SPECC1: variants seen among roughly 807,000 people sequenced by gnomAD.
SPECC1 encodes the protein cytospin-B.
Under a neutral mutation model 104.1 loss-of-function variants are expected in SPECC1, and 62 were observed. The observed-to-expected ratio is 0.60, with a 90% CI of 0.49 to 0.74. The LOEUF (loss-of-function observed/expected upper bound fraction) is 0.74, where lower values mean the gene tolerates loss of function less well. Ranked by LOEUF, SPECC1 falls within the 30% of genes least tolerant of loss-of-function variation. SPECC1 has a pLI of 0.00. For missense variants in SPECC1, 1,306 were observed against 1,310.5 expected (o/e 1.00, Z 0.05); for synonymous variants, 513 against 501.6 (o/e 1.02, Z -0.30).
intron 1 of SPECC1, chr17:20,010,161 T>C (rs1172084343): frequency 7.3e-5 from 11 of 150,872 alleles, no homozygotes; most frequent in South Asian, 6.3e-4. Flanking sequence ...TTTTTTTTTT[T>C]CCTAAGGAAG....
At chr17:20,083,555 T>C (rs2047062993) in intron 1 of SPECC1, among the ~76,000 whole-genome samples, 1 of 152,212 alleles carries the variant, frequency 6.6e-6, no homozygotes, top group Admixed American at 6.5e-5. Flanking sequence ...GTGTGTGCTA[T>C]TCATTCACTT....
rs542601267 is a variant in SPECC1 at position 20,159,398 on chromosome 17, C to G, written c.284-44935C>G. 5.9e-5 allele frequency among the ~76,000 whole-genome samples: 9 copies of G among 152,358 alleles called. No homozygotes were observed. In the South Asian group the frequency reaches 1.9e-3, roughly 32 times the overall value. ...TTGAAAAAGGGATCCCAGTGGAACACCTCCATGGTTGACTGCCACAGGACC... is the reference window on the plus strand; with the variant it reads ...TTGAAAAAGGGATCCCAGTGGAACAGCTCCATGGTTGACTGCCACAGGACC... On this transcript the variant is annotated intron_variant, in intron 3 of 14. Transcript: ENST00000395527.
intron 2 of SPECC1, among the ~76,000 whole-genome samples, chr17:20,098,436 C>T (rs1325578016): frequency 2.0e-5 from 3 of 152,218 alleles, no homozygotes; most frequent in Non-Finnish European, 4.4e-5. Context: ...GTCCTTGGAA[C>T]ACCTGAGTCA....
In SPECC1 at chr17:20,204,993, C is replaced by G; in HGVS notation, c.944C>G (p.Ser315Ter). ...HGNALRTSGS[S>*]SSDVTKASLS... is the part of the protein sequence containing the mutation. ...AATGCATTACGGACATCAGGCTCCT[C>G]AAGTAGCGATGTTACCAAAGCTTCT... The change falls in exon 4 of 15, where the codon TCA becomes TGA. Residue 315 changes from serine to a stop codon, truncating the protein, a stop_gained. Coordinates refer to ENST00000395527, the MANE Select transcript of SPECC1 (RefSeq NM_001243439.2). LOFTEE classifies it high-confidence loss of function. The G allele has an allele frequency of 6.2e-7, 1 of 1,614,148 alleles. No homozygotes were observed. The highest frequency in any genetic ancestry group is 8.5e-7 in the Non-Finnish European group (1 of 1,180,024).
intron 1 of SPECC1, among the ~76,000 whole-genome samples, chr17:20,094,335 G>A (rs1054902185): frequency 2.4e-4 from 36 of 152,188 alleles, no homozygotes; most frequent in African/African-American, 3.9e-4. Flanking sequence ...AGGAGGCTGC[G>A]TGTTCGTCAG....
intron 3 of SPECC1, among the ~76,000 whole-genome samples, chr17:20,193,652 T>G (rs1180514724): frequency 1.3e-5 from 2 of 152,172 alleles, no homozygotes; most frequent in African/African-American, 4.8e-5. Flanking sequence ...AATAAGAGTT[T>G]AAGAAAACAT....
intron 1 of SPECC1, among the ~76,000 whole-genome samples, chr17:20,019,114 T>A (rs755268022): frequency 3.9e-5 from 6 of 152,194 alleles, no homozygotes; most frequent in Non-Finnish European, 7.3e-5. Flanking sequence ...CAATGGCTCA[T>A]GTCTATAATC....
chr17:20,136,036 TTGCTGTAGAAAGGGCCTACACACCC>T (rs1360399755), intron 3 of SPECC1, among the ~76,000 whole-genome samples: 1 of 152,114 alleles, frequency 6.6e-6, no homozygotes, highest in African/African-American at 2.4e-5. Flanking sequence ...CTCTAGGATG[TTGCTGTAGAAAGGGCCTACACACCC>T]TGCTGTAGAA....
intron 1 of SPECC1, among the ~76,000 whole-genome samples, chr17:20,078,781 T>A (rs1043025619): frequency 6.6e-6 from 1 of 152,184 alleles, no homozygotes; most frequent in Non-Finnish European, 1.5e-5. Flanking sequence ...ATATAAAAAT[T>A]CATTTAATAA....
chr17:20,014,826 C>A (rs2044059452), intron 1 of SPECC1, among the ~76,000 whole-genome samples: 2 of 151,992 alleles, frequency 1.3e-5, no homozygotes, highest in South Asian at 4.2e-4. Flanking sequence ...ATGATCTCGG[C>A]TCACTACAAC....
chr17:20,194,502 A>ATTATTATTT, intron 3 of SPECC1, among the ~76,000 whole-genome samples: 26 of 86,528 alleles, frequency 3.0e-4, no homozygotes, highest in African/African-American at 6.9e-4. Context: ...AAGAGAACGA[A>ATTATTATTT]TTTTTTTTTT....
intron 4 of SPECC1, among the ~76,000 whole-genome samples, chr17:20,212,930 G>A (rs2037250333): frequency 6.6e-6 from 1 of 152,112 alleles, no homozygotes; most frequent in East Asian, 1.9e-4. Flanking sequence ...CAGTCTCAGA[G>A]CTTTTCCATC....
chr17:20,158,150 C>G (rs1457825558), intron 3 of SPECC1, among the ~76,000 whole-genome samples: 3 of 152,086 alleles, frequency 2.0e-5, no homozygotes, highest in African/African-American at 4.8e-5. Flanking sequence ...TCGCATGGCC[C>G]CAACTGGCAG....
In SPECC1 at chr17:20,264,262, CAG is replaced by C. The variant is rs561217161; in HGVS notation, c.2940+3969_2940+3970del. Among the ~76,000 whole-genome samples, 179 of 152,024 alleles carry C rather than the reference CAG, an allele frequency of 1.2e-3. 1 individual carries two copies. Among genetic ancestry groups the C allele is most frequent in the African/African-American group, 3.9e-3 (162 of 41,464 alleles). ...TTTATTTCAGCTTTAGTTATAGATT[CAG>C]GGGGTGAGTGGGCAGGTTTGTTACA... On this transcript the variant is annotated intron_variant, in intron 12 of 14. Coordinates refer to ENST00000395527, the MANE Select transcript of SPECC1 (RefSeq NM_001243439.2).
intron 7 of SPECC1, among the ~76,000 whole-genome samples, chr17:20,244,313 C>G (rs1010008797): frequency 6.6e-6 from 1 of 152,198 alleles, no homozygotes; most frequent in Non-Finnish European, 1.5e-5. Flanking sequence ...ATTTTCTGCT[C>G]AAACCTAACC....
chr17:20,030,759 T>C (rs2044776280), intron 1 of SPECC1, among the ~76,000 whole-genome samples: 1 of 152,184 alleles, frequency 6.6e-6, no homozygotes, highest in South Asian at 2.1e-4. Flanking sequence ...CTGTGGTGTT[T>C]CTTCTAAGGC....
intron 13 of SPECC1, among the ~76,000 whole-genome samples, chr17:20,302,650 C>T (rs1182873803): frequency 6.6e-6 from 1 of 151,338 alleles, no homozygotes; most frequent in Non-Finnish European, 1.5e-5. Flanking sequence ...GATCCTCCCA[C>T]CTCAGGCTTC....
intron 3 of SPECC1, among the ~76,000 whole-genome samples, chr17:20,181,871 C>T (rs2034914936): frequency 1.3e-5 from 2 of 151,688 alleles, no homozygotes; most frequent in Non-Finnish European, 2.9e-5. Context: ...AAAACAAGAC[C>T]TGAGATAATG....
intron 1 of SPECC1, among the ~76,000 whole-genome samples, chr17:20,038,319 T>C (rs2045174702): frequency 6.6e-6 from 1 of 150,772 alleles, no homozygotes; most frequent in African/African-American, 2.4e-5. Context: ...ATTTGAAACT[T>C]TTTCTCTTTT....
Sources: gnomAD v4.1 joint callset for allele counts (sites outside exome capture counted in the v4.1 genomes callset) on GRCh38, gnomAD v4.1.1 for gene constraint, MANE v1.5 for transcripts, NCBI Gene and HGNC (gene_info 2026-07-23, HGNC 2026-07-21) for gene names.